MGST2: variants seen among roughly 807,000 people sequenced by gnomAD.
MGST2 encodes the protein glutathione peroxidase MGST2.
MGST2 carries 9 observed loss-of-function variants against 16.6 expected under a neutral mutation model. The observed-to-expected ratio is 0.54, with a 90% confidence interval of 0.33 to 0.95. MGST2 has a LOEUF of 0.95. Among genes scored for constraint, MGST2 ranks in the 40% least tolerant of loss-of-function variants. MGST2 has a pLI of 0.03. For synonymous variants in MGST2, 79 were observed against 68.0 expected, an observed-to-expected ratio of 1.16 and a Z score of -0.79; for missense variants, 159 against 175.1, an observed-to-expected ratio of 0.91 and a Z score of 0.52.
intron 1 of MGST2, among the ~76,000 whole-genome samples, chr4:139,673,789 C>G (rs749046561): frequency 2.0e-5 from 3 of 152,202 alleles, no homozygotes; most frequent in Non-Finnish European, 4.4e-5. Context: ...AAGTGATCCT[C>G]CCACCTTGGC....
chr4:139,692,566 T>C (rs1015213224), intron 2 of MGST2, among the ~76,000 whole-genome samples: 2 of 152,190 alleles, frequency 1.3e-5, no homozygotes, highest in African/African-American at 4.8e-5. Flanking sequence ...CTTTGTCTCT[T>C]CTGTCATCTG....
At chr4:139,704,397 G>A, downstream of MGST2, 1 of 505,630 alleles carries the variant, frequency 2.0e-6, no homozygotes, top group Non-Finnish European at 3.6e-6. Flanking sequence ...GACCGGTTGT[G>A]TAGGGACACA....
intron 1 of MGST2, among the ~76,000 whole-genome samples, chr4:139,670,271 G>T (rs1469497009): frequency 7.7e-6 from 1 of 129,116 alleles, no homozygotes; most frequent in African/African-American, 3.0e-5. Context: ...GGGGGGGGCG[G>T]TTAACAGAAA....
At chr4:139,687,956 C>T (rs374126797) in intron 2 of MGST2, among the ~76,000 whole-genome samples, 23 of 152,168 alleles carry the variant, frequency 1.5e-4, no homozygotes, top group Admixed American at 1.2e-3. Flanking sequence ...CATTCCTTTA[C>T]GTTATTACTG....
At chr4:139,689,079 C>T (rs1414529958) in intron 2 of MGST2, among the ~76,000 whole-genome samples, 1 of 146,148 alleles carries the variant, frequency 6.8e-6, no homozygotes, top group Non-Finnish European at 1.5e-5. Flanking sequence ...TGCACTCCAG[C>T]CTGGGTGACA....
At chr4:139,673,352 C>G (rs1025472422) in intron 1 of MGST2, among the ~76,000 whole-genome samples, 2 of 152,138 alleles carry the variant, frequency 1.3e-5, no homozygotes, top group African/African-American at 4.8e-5. Context: ...GAGAACTGGG[C>G]AGCTAATGCT....
intron 5 of MGST2, chr4:139,730,495 A>G (rs200007546): frequency 7.3e-5 from 114 of 1,554,254 alleles, no homozygotes; most frequent in African/African-American, 3.8e-4. Flanking sequence ...CTGCTGCTCT[A>G]TCAACTGGGC....
intron 5 of MGST2, among the ~76,000 whole-genome samples, chr4:139,712,770 C>T (rs191206958): frequency 3.3e-5 from 5 of 152,242 alleles, no homozygotes; most frequent in Admixed American, 2.0e-4. Context: ...GCCAGTTCCC[C>T]AAAGGGTTTT....
At chr4:139,750,167 T>G in the MGST2 span, among the ~76,000 whole-genome samples, 6 of 152,272 alleles carry the variant, frequency 3.9e-5, no homozygotes, top group African/African-American at 1.4e-4. Flanking sequence ...ACATGATATT[T>G]CAATGCTAAG....
intron 5 of MGST2, among the ~76,000 whole-genome samples, chr4:139,739,744 G>T (rs1019405342): frequency 4.3e-5 from 6 of 138,384 alleles, no homozygotes; most frequent in African/African-American, 1.3e-4. Context: ...GAAAAAAGCA[G>T]TTTCTAAAAA....
rs1461395720 is a variant in MGST2 at position 139,668,603 on chromosome 4, G to C, written c.58+2526G>C. On this transcript the variant is annotated intron_variant, in intron 1 of 4. Transcript: ENST00000265498. The stretch of plus-strand genomic sequence containing the variant: ...GGGGTTCAAGAAAGACACAGAGAGA[G>C]AGAGAGAGAGAGGAGGGGGAGGGGG... Among the ~76,000 whole-genome samples, 22 of 149,834 alleles carry C rather than the reference G, an allele frequency of 1.5e-4. 1 individual carries two copies. The South Asian group carries it at 4.3e-3, about 29-fold the overall frequency.
chr4:139,722,034 G>A (rs1281408761), intron 5 of MGST2, among the ~76,000 whole-genome samples: 1 of 152,134 alleles, frequency 6.6e-6, no homozygotes, highest in African/African-American at 2.4e-5. Context: ...CAGTCTGATG[G>A]GCTGCTAGAA....
chr4:139,719,489 T>C (rs1474217307), intron 5 of MGST2: 2 of 1,613,928 alleles, frequency 1.2e-6, no homozygotes, highest in East Asian at 2.2e-5. Flanking sequence ...ATTCCGCTCA[T>C]AGGCTTGGCT....
chr4:139,715,199 TA>T lies in MGST2; in HGVS notation c.*48+11005del, dbSNP rs1727900751. Among the ~76,000 whole-genome samples the T allele has an allele frequency of 1.3e-5, 2 of 152,314 alleles. No individual in the cohort carries two copies. The highest frequency in any genetic ancestry group is 3.9e-4 in the East Asian group (2 of 5,174). On this transcript the variant is annotated intron_variant, in intron 5 of 5. Coordinates refer to the MGST2 transcript ENST00000616265. The surrounding 1 kb of genome is among the most constrained non-coding windows in gnomAD (Gnocchi z 4.4). ...CTCTAACTCCACTAAGCTGGGCCTC[TA>T]ACCCAATCCCATTCTTTACCCAGGT...
At chr4:139,696,268 T>C (rs1263156552) in intron 3 of MGST2, among the ~76,000 whole-genome samples, 1 of 152,148 alleles carries the variant, frequency 6.6e-6, no homozygotes, top group Non-Finnish European at 1.5e-5. Context: ...TAGGTATAAA[T>C]TTATAGAAAT....
chr4:139,673,534 G>C (rs977245501), intron 1 of MGST2, among the ~76,000 whole-genome samples: 1 of 152,148 alleles, frequency 6.6e-6, no homozygotes, highest in Admixed American at 6.6e-5. Flanking sequence ...AGCCTCCTAA[G>C]TAGCTGGAAC....
At chr4:139,754,439 T>A in the MGST2 span, among the ~76,000 whole-genome samples, 1 of 152,216 alleles carries the variant, frequency 6.6e-6, no homozygotes, top group African/African-American at 2.4e-5. Context: ...AAGACAAGGA[T>A]CATAGCTGCA....
In MGST2 at chr4:139,735,559, G is replaced by A. The variant is rs1351236060; in HGVS notation, c.*49-4653G>A. 2.0e-5 allele frequency among the ~76,000 whole-genome samples: 3 copies of A among 152,182 alleles called. No homozygotes were observed. Among genetic ancestry groups the A allele is most frequent in the Non-Finnish European group, 4.4e-5 (3 of 68,028 alleles). ...ACCCCAGCTGCACAAAGCCGGCCCG[G>A]GGAGGGGGCGATAAGGAGCGAGCCT... On this transcript the variant is annotated intron_variant, in intron 5 of 5. Coordinates refer to the MGST2 transcript ENST00000616265. The surrounding 1 kb of genome is among the most constrained non-coding windows in gnomAD (Gnocchi z 5.8).
the MGST2 span, among the ~76,000 whole-genome samples, chr4:139,748,473 A>G: frequency 6.6e-6 from 1 of 152,220 alleles, no homozygotes; most frequent in Non-Finnish European, 1.5e-5. Flanking sequence ...ATCAAAACGT[A>G]CAACAAGGGG....
Sources: gnomAD v4.1 joint callset for allele counts (sites outside exome capture counted in the v4.1 genomes callset) on GRCh38, gnomAD v4.1.1 for gene constraint, Gnocchi (gnomAD v3.1) non-coding constraint, MANE v1.5 for transcripts, NCBI Gene and HGNC (gene_info 2026-07-23, HGNC 2026-07-21) for gene names.